EPHA5: variants seen among roughly 807,000 people sequenced by gnomAD.
EPHA5 encodes the protein ephrin type-A receptor 5.
Under a neutral mutation model 105.0 loss-of-function variants are expected in EPHA5, and 60 were observed. The observed-to-expected ratio is 0.57, with a 90% confidence interval of 0.46 to 0.71. The LOEUF is 0.71. EPHA5 is among the 30% of genes least tolerant of loss of function. EPHA5 has a pLI of 0.00. For missense variants in EPHA5, 1,218 were observed against 1,274.7 expected (o/e 0.96, Z 0.68); for synonymous variants, 513 against 449.1 (o/e 1.14, Z -1.80).
intron 3 of EPHA5, among the ~76,000 whole-genome samples, chr4:65,528,758 G>A (rs989633205): frequency 6.6e-6 from 1 of 152,032 alleles, no homozygotes; most frequent in African/African-American, 2.4e-5. Context: ...GGCCTGAAGC[G>A]GACAGCAAGA....
intron 8 of EPHA5, among the ~76,000 whole-genome samples, chr4:65,375,013 TA>T (rs1718852885): frequency 6.6e-6 from 1 of 151,916 alleles, no homozygotes; most frequent in Admixed American, 6.6e-5. Flanking sequence ...ATGTCATCCT[TA>T]ATAGAAAATT....
At chr4:65,551,600 T>C (rs1257369228) in intron 3 of EPHA5, among the ~76,000 whole-genome samples, 2 of 152,100 alleles carry the variant, frequency 1.3e-5, no homozygotes, top group East Asian at 3.9e-4. Context: ...TATACAGCAC[T>C]TACATTTTTA....
intron 8 of EPHA5, among the ~76,000 whole-genome samples, chr4:65,393,194 T>A (rs915696581): frequency 2.0e-5 from 3 of 152,082 alleles, no homozygotes; most frequent in Non-Finnish European, 4.4e-5. Context: ...AGTGAGAGAT[T>A]CTCTTTCCTC....
At position 65,669,684 on chromosome 4, in the gene EPHA5, TCGC is replaced by T. The variant is rs1319044210; in HGVS notation, c.56_58del (p.Gly19del). 4.5e-6 allele frequency: 6 copies of T among 1,319,700 alleles called. No individual in the cohort carries two copies. Among genetic ancestry groups the T allele is most frequent in the South Asian group, 2.3e-5 (1 of 42,600 alleles). The allele number at this position is 1,319,700 out of a possible 1,614,324, so 81.7% of individuals were successfully genotyped here. On this transcript the variant is annotated inframe_deletion, in exon 1 of 17. Coordinates refer to ENST00000613740, the MANE Select transcript of EPHA5 (RefSeq NM_001281766.3). ...CAGGGACGCTGGGGTGATGGGGGTG[TCGC>T]CGCCGCCGCTTGGGGGCCGCCGGCG...
intron 2 of EPHA5, among the ~76,000 whole-genome samples, chr4:65,603,856 C>G (rs571729625): frequency 6.6e-6 from 1 of 152,044 alleles, no homozygotes; most frequent in Non-Finnish European, 1.5e-5. Flanking sequence ...TATTGCAGCA[C>G]TCCATAATTA....
At chr4:65,391,080 C>T (rs1416083433) in intron 8 of EPHA5, among the ~76,000 whole-genome samples, 4 of 151,956 alleles carry the variant, frequency 2.6e-5, no homozygotes, top group African/African-American at 7.2e-5. Flanking sequence ...GGTAAGAGCA[C>T]ATTATAAAAC....
chr4:65,563,733 T>A (rs1367607510), intron 3 of EPHA5, among the ~76,000 whole-genome samples: 1 of 151,950 alleles, frequency 6.6e-6, no homozygotes, highest in African/African-American at 2.4e-5. Flanking sequence ...AATTAGCACA[T>A]GAAAACATTG....
At chr4:65,591,238 C>T (rs892587736) in intron 3 of EPHA5, among the ~76,000 whole-genome samples, 2 of 151,944 alleles carry the variant, frequency 1.3e-5, no homozygotes, top group South Asian at 2.1e-4. Context: ...TGAAATAGAC[C>T]AATATTTACA....
At chr4:65,446,571 C>T (rs1342959890) in intron 5 of EPHA5, among the ~76,000 whole-genome samples, 1 of 152,098 alleles carries the variant, frequency 6.6e-6, no homozygotes, top group Non-Finnish European at 1.5e-5. Flanking sequence ...TGTAAAACAC[C>T]TCTTCTGGAC....
intron 7 of EPHA5, among the ~76,000 whole-genome samples, chr4:65,412,902 A>G (rs2149014197): frequency 6.6e-6 from 1 of 152,238 alleles, no homozygotes; most frequent in Admixed American, 6.5e-5. Context: ...GTTTTTTTAA[A>G]TGGGATTTTT....
rs565651924 is a variant in EPHA5, at chr4:65,601,181, T to C, written c.910+460A>G. Among the ~76,000 whole-genome samples the C allele has an allele frequency of 1.8e-4, 27 of 152,308 alleles. No homozygotes were observed. In the South Asian group the frequency reaches 5.6e-3, roughly 32 times the overall value. ...CTATAAAGTTCATATGGCTGAACTT[T>C]TTTTCTGAAGAATTTTTAAAAGGCA... On this transcript the variant is annotated intron_variant, in intron 3 of 16. Transcript: ENST00000613740.
At chr4:65,511,171 C>T (rs957604688) in intron 3 of EPHA5, among the ~76,000 whole-genome samples, 1 of 152,140 alleles carries the variant, frequency 6.6e-6, no homozygotes, top group African/African-American at 2.4e-5. Flanking sequence ...AGCCACCCAG[C>T]CTGTGGTTAT....
chr4:65,425,252 A>G lies in EPHA5; in HGVS notation c.1403-4687T>C, dbSNP rs58354526. 4.7e-3 allele frequency among the ~76,000 whole-genome samples: 708 copies of G among 152,256 alleles called. 12 individuals carry two copies. Among genetic ancestry groups the G allele is most frequent in the African/African-American group, 0.017 (691 of 41,572 alleles). On this transcript the variant is annotated intron_variant, in intron 5 of 16. Coordinates refer to ENST00000613740, the MANE Select transcript of EPHA5 (RefSeq NM_001281766.3). ...TCATGTGTTAGTTCATTTAAACACA[A>G]GGTTTAAAAATACATGTATTTTACA...
chr4:65,527,532 C>G (rs751383337), intron 3 of EPHA5, among the ~76,000 whole-genome samples: 19 of 151,954 alleles, frequency 1.3e-4, no homozygotes, highest in Non-Finnish European at 2.1e-4. Context: ...TTTTAAAATG[C>G]AAGAAGAATG....
chr4:65,462,991 C>A (rs772524195), intron 5 of EPHA5, among the ~76,000 whole-genome samples: 2 of 152,104 alleles, frequency 1.3e-5, no homozygotes, highest in African/African-American at 4.8e-5. Flanking sequence ...TTAACAAATG[C>A]AATCTTCAGA....
chr4:65,404,555 C>A, intron 7 of EPHA5, 76 bp from the exon 8 acceptor site: 1 of 1,270,156 alleles, frequency 7.9e-7, no homozygotes, highest in Non-Finnish European at 1.1e-6. Context: ...GCTTAATAGA[C>A]AGTAATCAAT....
intron 2 of EPHA5, among the ~76,000 whole-genome samples, chr4:65,636,846 C>G (rs1233054484): frequency 6.6e-6 from 1 of 152,052 alleles, no homozygotes; most frequent in Non-Finnish European, 1.5e-5. Flanking sequence ...ATAATGCTCC[C>G]TTAAGTTCTA....
chr4:65,504,310 A>G (rs1336851663), intron 3 of EPHA5, among the ~76,000 whole-genome samples: 1 of 150,872 alleles, frequency 6.6e-6, no homozygotes, highest in Non-Finnish European at 1.5e-5. Context: ...TTTTAAAATA[A>G]CAACTTCTAT....
Position 65,320,078 on chromosome 4 carries a change from T to A in EPHA5, c.*4036A>T, listed in dbSNP as rs1479752297. On this transcript the variant is annotated 3_prime_UTR_variant, in exon 17 of 17. Transcript: ENST00000613740. ...TTTTAAAAGAATTGGTATCTTCTTC[T>A]AAGCAATGATTATGTGGTCATTCTG... 4.3e-6 allele frequency: 1 copy of A among 230,306 alleles called. No individual in the cohort carries two copies. Among genetic ancestry groups the A allele is most frequent in the Non-Finnish European group, 8.6e-6 (1 of 116,184 alleles). 14.3% of individuals were successfully genotyped at this position (230,306 alleles called of 1,614,324 possible).
Sources: allele counts gnomAD v4.1 joint callset (sites outside exome capture counted in the v4.1 genomes callset), GRCh38; gene constraint gnomAD v4.1.1; transcripts MANE v1.5; gene names NCBI Gene and HGNC (gene_info 2026-07-23, HGNC 2026-07-21).